The following ELMO1 variants were observed in gnomAD, a reference collection of about 807,000 sequenced individuals.
The protein encoded by ELMO1 is engulfment and cell motility protein 1.
Under a neutral mutation model 98.9 loss-of-function variants are expected in ELMO1, and 26 were observed. The observed-to-expected ratio is 0.26, with a 90% CI of 0.19 to 0.36. The LOEUF (loss-of-function observed/expected upper bound fraction) is 0.36, where lower values mean the gene tolerates loss of function less well. ELMO1 is among the 10% of genes least tolerant of loss of function. The pLI, the probability that ELMO1 is intolerant of heterozygous loss-of-function variation, is 1.00. For synonymous variants in ELMO1, 346 were observed against 346.0 expected (o/e 1.00, Z 0.00); for missense variants, 627 against 935.2 (o/e 0.67, Z 4.30).
chr7:37,298,469 A>G (rs1350992118), intron 4 of ELMO1, among the ~76,000 whole-genome samples: 1 of 100,406 alleles, frequency 1.0e-5, no homozygotes, highest in Non-Finnish European at 2.1e-5. Flanking sequence ...CGACCCCACC[A>G]CAGTCCCCAG....
Position 36,870,061 on chromosome 7 carries a change from AGGTTAGGAGAG to A in ELMO1, c.1905+321_1905+331del, listed in dbSNP as rs1415545942. ...AGGGAGAAATAAACATAAATGGGGG[AGGTTAGGAGAG>A]GCCCAGGGAATGGACGGATGAGCAG... On this transcript the variant is annotated intron_variant, in intron 20 of 21. Transcript: ENST00000310758. The surrounding 1 kb of genome is among the most constrained non-coding windows in gnomAD (Gnocchi z 4.4). Among the ~76,000 whole-genome samples, 2 of 152,028 alleles carry A rather than the reference AGGTTAGGAGAG, an allele frequency of 1.3e-5. No individual in the cohort carries two copies. The highest frequency in any genetic ancestry group is 2.9e-5 in the Non-Finnish European group (2 of 68,008).
intron 1 of ELMO1, among the ~76,000 whole-genome samples, chr7:37,356,377 T>C (rs931649996): frequency 1.3e-5 from 2 of 152,194 alleles, no homozygotes; most frequent in African/African-American, 4.8e-5. Context: ...CGAATCACCA[T>C]ACTGTCTTCC....
intron 2 of ELMO1, among the ~76,000 whole-genome samples, chr7:37,330,750 C>G (rs1280634875): frequency 6.6e-6 from 1 of 152,190 alleles, no homozygotes; most frequent in Non-Finnish European, 1.5e-5. Context: ...TAGATCTTAG[C>G]AACTATTTTT....
At chr7:37,084,818 A>G (rs1315404333) in intron 15 of ELMO1, among the ~76,000 whole-genome samples, 1 of 149,848 alleles carries the variant, frequency 6.7e-6, no homozygotes, top group East Asian at 2.0e-4. Context: ...ATGCAGTGGC[A>G]TGATGTTGGC....
intron 1 of ELMO1, among the ~76,000 whole-genome samples, chr7:37,368,172 CA>C (rs1422301236): frequency 6.6e-6 from 1 of 152,150 alleles, no homozygotes; most frequent in Non-Finnish European, 1.5e-5. Flanking sequence ...CTGGAAATCT[CA>C]TTCTAAACAT....
chr7:37,020,427 G>A lies in ELMO1; in HGVS notation c.1301-6992C>T, dbSNP rs1187220584. On this transcript the variant is annotated intron_variant, in intron 15 of 21. Coordinates refer to ENST00000310758, the MANE Select transcript of ELMO1 (RefSeq NM_014800.11). ...GATAGGTTTAGCAAATGTTTGATGA[G>A]CAAGGATTTATTCTTTCTTTCGTAA... Among the ~76,000 whole-genome samples the A allele has an allele frequency of 4.6e-5, 7 of 152,308 alleles. No individual in the cohort carries two copies. The East Asian group carries it at 1.3e-3, about 29-fold the overall frequency.
intron 6 of ELMO1, among the ~76,000 whole-genome samples, chr7:37,253,616 T>C (rs565140710): frequency 4.2e-4 from 63 of 150,810 alleles, no homozygotes; most frequent in Admixed American, 1.5e-3. Flanking sequence ...TTAGGAGAAA[T>C]ACCTAATGCA....
At chr7:37,166,030 T>C (rs1789658010) in intron 13 of ELMO1, among the ~76,000 whole-genome samples, 1 of 152,250 alleles carries the variant, frequency 6.6e-6, no homozygotes, top group African/African-American at 2.4e-5. Flanking sequence ...GTTATTGGTC[T>C]ATTCAGAGAT....
chr7:37,203,069 A>G (rs1792389747), intron 13 of ELMO1, among the ~76,000 whole-genome samples: 1 of 152,098 alleles, frequency 6.6e-6, no homozygotes. Flanking sequence ...GAATAGTTGC[A>G]CTCACTGATG....
At chr7:36,905,152 A>G (rs1412208038) in intron 16 of ELMO1, among the ~76,000 whole-genome samples, 1 of 152,260 alleles carries the variant, frequency 6.6e-6, no homozygotes, top group Non-Finnish European at 1.5e-5. Context: ...TCTTTCACCA[A>G]CAGGATTGGG....
intron 16 of ELMO1, among the ~76,000 whole-genome samples, chr7:36,979,899 G>A (rs1158628471): frequency 6.6e-6 from 1 of 152,144 alleles, no homozygotes; most frequent in Non-Finnish European, 1.5e-5. Flanking sequence ...TTTCCAACCA[G>A]GCAAGTGGAC....
At chr7:37,217,580 G>A in intron 10 of ELMO1, 1 of 392,942 alleles carries the variant, frequency 2.5e-6, no homozygotes, top group Non-Finnish European at 5.0e-6. Context: ...CAAATTTGCA[G>A]AAAGCAAAGA....
intron 15 of ELMO1, among the ~76,000 whole-genome samples, chr7:37,084,491 G>GA (rs1231351111): frequency 6.6e-6 from 1 of 152,198 alleles, no homozygotes; most frequent in East Asian, 1.9e-4. Context: ...TATTTACAAA[G>GA]AAAGTGAAAG....
At chr7:37,284,710 T>C (rs1797304725) in intron 4 of ELMO1, among the ~76,000 whole-genome samples, 1 of 152,126 alleles carries the variant, frequency 6.6e-6, no homozygotes. Context: ...TATGAATTTA[T>C]CCTACCAACA....
chr7:37,199,098 A>T (rs1007885207), intron 13 of ELMO1, among the ~76,000 whole-genome samples: 1 of 152,216 alleles, frequency 6.6e-6, no homozygotes, highest in Non-Finnish European at 1.5e-5. Flanking sequence ...GTCCCTCCTA[A>T]GGCACCACAA....
chr7:37,343,386 C>T (rs1583591560), intron 1 of ELMO1, among the ~76,000 whole-genome samples: 1 of 151,958 alleles, frequency 6.6e-6, no homozygotes, highest in African/African-American at 2.4e-5. Flanking sequence ...GACTGAATGG[C>T]ATTCAGAACA....
At chr7:36,925,644 C>T (rs940753661) in intron 16 of ELMO1, among the ~76,000 whole-genome samples, 3 of 152,168 alleles carry the variant, frequency 2.0e-5, no homozygotes, top group Non-Finnish European at 4.4e-5. Context: ...TTTCACTTTG[C>T]CCCGACCCCT....
chr7:36,903,424 GCA>G (rs150419951), intron 16 of ELMO1, among the ~76,000 whole-genome samples: 1,656 of 152,288 alleles, frequency 0.011, 14 homozygotes, highest in Non-Finnish European at 0.017. Context: ...TCCAGAGCCT[GCA>G]CAGTCCAGTC....
chr7:37,075,952 T>C (rs777821929), intron 15 of ELMO1, among the ~76,000 whole-genome samples: 15 of 152,202 alleles, frequency 9.9e-5, no homozygotes, highest in East Asian at 5.8e-4. Flanking sequence ...TCAAGGTGAA[T>C]TGCCTTATAA....
Sources: gnomAD v4.1 joint callset for allele counts (sites outside exome capture counted in the v4.1 genomes callset) on GRCh38, gnomAD v4.1.1 for gene constraint, Gnocchi (gnomAD v3.1) non-coding constraint, MANE v1.5 for transcripts, NCBI Gene and HGNC (gene_info 2026-07-23, HGNC 2026-07-21) for gene names.